Variants in CCDC12 observed in about 807,000 individuals in gnomAD.
CCDC12 encodes the protein coiled-coil domain-containing protein 12.
Under a neutral mutation model 25.7 loss-of-function variants are expected in CCDC12, and 28 were observed. The ratio of observed to expected loss-of-function variants is 1.09; its 90% CI spans 0.81 to 1.50. The LOEUF is 1.50. Among genes scored for constraint, CCDC12 ranks in the 40% most tolerant of loss-of-function variants. The pLI is 0.00. For synonymous variants in CCDC12, 75 were observed against 87.7 expected (o/e 0.86, Z 0.81); for missense variants, 198 against 210.0 (o/e 0.94, Z 0.35).
At chr3:46,943,465 C>A (rs2033792258) in intron 1 of CCDC12, among the ~76,000 whole-genome samples, 1 of 152,344 alleles carries the variant, frequency 6.6e-6, no homozygotes. Context: ...TTTCCCCACA[C>A]TGGGCTAGTG....
intron 3 of CCDC12, chr3:46,924,120 T>C (rs115267277): frequency 0.012 from 1,852 of 155,864 alleles, 36 homozygotes; most frequent in African/African-American, 0.042. Context: ...CACAGGCACC[T>C]CCCAGCTCCT....
chr3:46,932,578 T>C (rs1440718237), intron 2 of CCDC12, among the ~76,000 whole-genome samples: 3 of 152,118 alleles, frequency 2.0e-5, no homozygotes, highest in African/African-American at 4.8e-5. Context: ...ACCCCAAGCC[T>C]CCTGTCCTTC....
intron 2 of CCDC12, among the ~76,000 whole-genome samples, chr3:46,934,626 A>G (rs1238730019): frequency 2.0e-5 from 3 of 152,164 alleles, no homozygotes; most frequent in Non-Finnish European, 4.4e-5. Flanking sequence ...CCCTACCCAG[A>G]AGGGAGGTGC....
At chr3:46,932,267 A>C (rs2033259911) in intron 2 of CCDC12, among the ~76,000 whole-genome samples, 1 of 152,246 alleles carries the variant, frequency 6.6e-6, no homozygotes, top group South Asian at 2.1e-4. Context: ...AATAGCTACA[A>C]CACCTCTGGG....
intron 1 of CCDC12, among the ~76,000 whole-genome samples, chr3:46,961,933 T>A (rs576209051): frequency 6.6e-6 from 1 of 152,280 alleles, no homozygotes; most frequent in Admixed American, 6.5e-5. Context: ...AAAAAGAATC[T>A]TGATCCCTAC....
chr3:46,948,831 C>G (rs535451156), intron 1 of CCDC12, among the ~76,000 whole-genome samples: 2 of 152,186 alleles, frequency 1.3e-5, no homozygotes, highest in Non-Finnish European at 2.9e-5. Flanking sequence ...CAGCCCAAGT[C>G]AACTCTGATC....
At chr3:46,973,024 A>ATCT (rs1195806316) in intron 1 of CCDC12, among the ~76,000 whole-genome samples, 1 of 151,378 alleles carries the variant, frequency 6.6e-6, no homozygotes, top group East Asian at 1.9e-4. Flanking sequence ...TTTGAGACTG[A>ATCT]TCTCCCTTCT....
chr3:46,935,518 A>C (rs985202352), intron 2 of CCDC12, among the ~76,000 whole-genome samples: 7 of 152,228 alleles, frequency 4.6e-5, no homozygotes, highest in Non-Finnish European at 8.8e-5. Flanking sequence ...AAAAAAAAAA[A>C]AGCAGCTAAG....
chr3:46,942,672 T>C (rs920506565), intron 1 of CCDC12, among the ~76,000 whole-genome samples: 2 of 152,228 alleles, frequency 1.3e-5, no homozygotes, highest in Non-Finnish European at 2.9e-5. Context: ...GAAAGGCTTC[T>C]GTCATGAGAA....
intron 1 of CCDC12, among the ~76,000 whole-genome samples, chr3:46,954,038 G>T (rs2034209830): frequency 6.6e-6 from 1 of 152,162 alleles, no homozygotes; most frequent in Admixed American, 6.5e-5. Flanking sequence ...CATGCAGATT[G>T]GAAGACCCCT....
At chr3:46,974,922 C>G (rs1301377297) in intron 1 of CCDC12, among the ~76,000 whole-genome samples, 2 of 152,136 alleles carry the variant, frequency 1.3e-5, no homozygotes, top group East Asian at 3.9e-4. Context: ...ACTGTCATTC[C>G]CCACTGGAGA....
At chr3:46,938,530 T>G (rs1159517284) in intron 2 of CCDC12, among the ~76,000 whole-genome samples, 6 of 146,122 alleles carry the variant, frequency 4.1e-5, no homozygotes, top group African/African-American at 1.3e-4. Context: ...TTTTTTTTTT[T>G]TTTTTTTTTT....
intron 1 of CCDC12, among the ~76,000 whole-genome samples, chr3:46,962,997 C>T (rs759924435): frequency 4.5e-4 from 68 of 152,304 alleles, no homozygotes; most frequent in Non-Finnish European, 6.3e-4. Context: ...CAATGGAATA[C>T]TATACAGAAA....
At chr3:46,970,745 T>G (rs1476399652) in intron 1 of CCDC12, among the ~76,000 whole-genome samples, 1 of 152,132 alleles carries the variant, frequency 6.6e-6, no homozygotes, top group Non-Finnish European at 1.5e-5. Flanking sequence ...TTAGAGAGCC[T>G]CCATTTGGCT....
chr3:46,953,452 C>A (rs1306435171), intron 1 of CCDC12, among the ~76,000 whole-genome samples: 1 of 152,092 alleles, frequency 6.6e-6, no homozygotes, highest in Non-Finnish European at 1.5e-5. Context: ...TTTCCATCTT[C>A]CTTAATTCTG....
chr3:46,972,755 T>C (rs952558306), intron 1 of CCDC12, among the ~76,000 whole-genome samples: 5 of 141,564 alleles, frequency 3.5e-5, no homozygotes, highest in Admixed American at 7.4e-5. Context: ...GGCAACACAG[T>C]GAGACTCCTG....
chr3:46,973,371 A>AT (rs2034865289), intron 1 of CCDC12, among the ~76,000 whole-genome samples: 1 of 148,938 alleles, frequency 6.7e-6, no homozygotes, highest in South Asian at 2.1e-4. Flanking sequence ...AAAAAAAAAA[A>AT]TTAATCCCAG....
At chr3:46,972,898 T>C (rs2034847891) in intron 1 of CCDC12, among the ~76,000 whole-genome samples, 1 of 152,074 alleles carries the variant, frequency 6.6e-6, no homozygotes, top group Non-Finnish European at 1.5e-5. Flanking sequence ...AACACTATGG[T>C]GTTTCCTCAA....
intron 1 of CCDC12, among the ~76,000 whole-genome samples, chr3:46,953,961 T>C (rs923438378): frequency 9.9e-5 from 15 of 152,166 alleles, no homozygotes; most frequent in Admixed American, 7.2e-4. Context: ...CCACTAGGAC[T>C]TCCTCACCAT....
Sources: gnomAD v4.1 joint callset for allele counts (sites outside exome capture counted in the v4.1 genomes callset) on GRCh38, gnomAD v4.1.1 for gene constraint, MANE v1.5 for transcripts, NCBI Gene and HGNC (gene_info 2026-07-23, HGNC 2026-07-21) for gene names.